SEMA6D: variants seen among roughly 807,000 people sequenced by gnomAD.
SEMA6D encodes semaphorin 6D.
SEMA6D carries 35 observed loss-of-function variants against 106.6 expected under a neutral mutation model. The observed-to-expected ratio is 0.33, with a 90% CI of 0.25 to 0.44. SEMA6D has a LOEUF of 0.44. SEMA6D is among the 20% of genes least tolerant of loss of function. The probability of loss-of-function intolerance (pLI) is 1.00; values close to 1 mark genes in which losing one functional copy is unlikely to be tolerated. For missense variants in SEMA6D, 1,185 were observed against 1,345.9 expected (o/e 0.88, Z 1.87); for synonymous variants, 499 against 487.7 (o/e 1.02, Z -0.31).
In SEMA6D at chr15:47,303,168, G is replaced by A. The variant is rs114417941; in HGVS notation, c.-238-109225G>A. The stretch of plus-strand genomic sequence containing the variant: ...TGCCTAACAAGATGTCTAAAGATAC[G>A]TAGAAACAGACCTTCATCACCGCCT... On this transcript the variant is annotated intron_variant, in intron 1 of 19. Transcript: ENST00000558014. Among the ~76,000 whole-genome samples the A allele has an allele frequency of 3.9e-3, 595 of 152,298 alleles. 3 individuals carry two copies. The highest frequency in any genetic ancestry group is 0.014 in the African/African-American group (576 of 41,574).
At chr15:47,634,431 C>T (rs754489486) in intron 4 of SEMA6D, among the ~76,000 whole-genome samples, 5 of 152,186 alleles carry the variant, frequency 3.3e-5, no homozygotes, top group South Asian at 2.1e-4. Context: ...TGTTACTGCA[C>T]GATGGTGATA....
chr15:47,271,916 A>C (rs1045003854), intron 1 of SEMA6D, among the ~76,000 whole-genome samples: 1 of 152,162 alleles, frequency 6.6e-6, no homozygotes, highest in Non-Finnish European at 1.5e-5. Flanking sequence ...AGGGGTTTGT[A>C]TGACCCAAGC....
At chr15:47,679,774 C>T (rs528141878) in intron 4 of SEMA6D, among the ~76,000 whole-genome samples, 137 of 152,206 alleles carry the variant, frequency 9.0e-4, no homozygotes, top group African/African-American at 3.1e-3. Context: ...GTGGCTGTAA[C>T]GTTCTGCAGA....
intron 1 of SEMA6D, among the ~76,000 whole-genome samples, chr15:47,309,849 G>A (rs2036376796): frequency 6.6e-6 from 1 of 152,152 alleles, no homozygotes; most frequent in Admixed American, 6.5e-5. Context: ...ACAATGGTTG[G>A]ATGAGTACTC....
chr15:47,367,678 A>ACGTG (rs1555428920), intron 1 of SEMA6D, among the ~76,000 whole-genome samples: 13 of 137,592 alleles, frequency 9.4e-5, no homozygotes, highest in Admixed American at 9.0e-4. Context: ...GCACGCTCAC[A>ACGTG]CGCGCGCGCG....
chr15:47,461,078 A>T (rs1397110667), intron 2 of SEMA6D, among the ~76,000 whole-genome samples: 2 of 152,040 alleles, frequency 1.3e-5, no homozygotes, highest in Admixed American at 6.6e-5. Context: ...GCTCATTTCT[A>T]TGCCAATGCG....
chr15:47,725,784 A>G (rs143424955), intron 1 of SEMA6D, among the ~76,000 whole-genome samples: 1 of 152,266 alleles, frequency 6.6e-6, no homozygotes, highest in African/African-American at 2.4e-5. Flanking sequence ...AAATGAAAAC[A>G]GTTACATTAG....
intron 4 of SEMA6D, among the ~76,000 whole-genome samples, chr15:47,686,761 T>C (rs2078478681): frequency 6.6e-6 from 1 of 152,160 alleles, no homozygotes. Flanking sequence ...AAATTGTAGA[T>C]GAGTTAAAAT....
intron 15 of SEMA6D, 41 bp from the exon 16 acceptor site, chr15:47,766,575 A>C: frequency 6.2e-7 from 1 of 1,605,568 alleles, no homozygotes; most frequent in Non-Finnish European, 8.5e-7. Context: ...GTTCCTATGA[A>C]GGCTGTTAAC....
chr15:47,295,668 T>C (rs771148561), intron 1 of SEMA6D, among the ~76,000 whole-genome samples: 4 of 152,252 alleles, frequency 2.6e-5, no homozygotes, highest in Non-Finnish European at 5.9e-5. Flanking sequence ...TGTTCTCTTA[T>C]GGTAATGTGA....
At chr15:47,224,927 C>T (rs892327234) in intron 1 of SEMA6D, among the ~76,000 whole-genome samples, 1 of 151,826 alleles carries the variant, frequency 6.6e-6, no homozygotes, top group African/African-American at 2.4e-5. Context: ...GCAGAGGGAA[C>T]CCTGCTTGGT....
chr15:47,706,617 A>G (rs538273406), intron 4 of SEMA6D, among the ~76,000 whole-genome samples: 227 of 152,256 alleles, frequency 1.5e-3, no homozygotes, highest in Non-Finnish European at 2.6e-3. Flanking sequence ...GCTGCTAAAG[A>G]CTGTATCTTT....
chr15:47,572,112 A>G (rs1395369033), intron 3 of SEMA6D, among the ~76,000 whole-genome samples: 4 of 152,212 alleles, frequency 2.6e-5, no homozygotes, highest in Non-Finnish European at 4.4e-5. Context: ...GAGGCAGTAC[A>G]GGTTTCTGAA....
chr15:47,287,449 G>A (rs977792093), intron 1 of SEMA6D, among the ~76,000 whole-genome samples: 3 of 152,114 alleles, frequency 2.0e-5, no homozygotes, highest in African/African-American at 7.2e-5. Context: ...GAGCGCCCTA[G>A]ATTCTAATAA....
At chr15:47,369,232 C>T (rs2039179722) in intron 1 of SEMA6D, among the ~76,000 whole-genome samples, 1 of 152,204 alleles carries the variant, frequency 6.6e-6, no homozygotes, top group Non-Finnish European at 1.5e-5. Flanking sequence ...AAAGATGTGC[C>T]TGTGATTTCT....
At chr15:47,689,399 C>A (rs919311839) in intron 4 of SEMA6D, among the ~76,000 whole-genome samples, 1 of 152,182 alleles carries the variant, frequency 6.6e-6, no homozygotes, top group Non-Finnish European at 1.5e-5. Context: ...TAAATAAACA[C>A]ATATAAAATT....
chr15:47,372,214 T>C (rs1227747767), intron 1 of SEMA6D, among the ~76,000 whole-genome samples: 1 of 152,208 alleles, frequency 6.6e-6, no homozygotes, highest in African/African-American at 2.4e-5. Context: ...TTTATAGTTC[T>C]TCTTAGTAGC....
intron 1 of SEMA6D, among the ~76,000 whole-genome samples, chr15:47,391,225 A>G (rs1348776874): frequency 1.3e-5 from 2 of 152,142 alleles, no homozygotes; most frequent in Admixed American, 6.5e-5. Context: ...CTGCTCTCTG[A>G]GCTGCTCTTT....
At chr15:47,360,766 T>A (rs1446498703) in intron 1 of SEMA6D, among the ~76,000 whole-genome samples, 1 of 152,166 alleles carries the variant, frequency 6.6e-6, no homozygotes, top group African/African-American at 2.4e-5. Context: ...CTAATCATAT[T>A]TAGAAAGCAG....
Sources: allele counts gnomAD v4.1 joint callset (sites outside exome capture counted in the v4.1 genomes callset), GRCh38; gene constraint gnomAD v4.1.1; transcripts MANE v1.5; gene names NCBI Gene and HGNC (gene_info 2026-07-23, HGNC 2026-07-21).